Variants in PAX5 observed in about 807,000 individuals in gnomAD.
The protein encoded by PAX5 is paired box protein Pax-5.
PAX5 carries 9 observed loss-of-function variants against 43.7 expected under a neutral mutation model. The ratio of observed to expected loss-of-function variants is 0.21; its 90% CI spans 0.12 to 0.36. PAX5 has a LOEUF of 0.36. Among genes scored for constraint, PAX5 ranks in the 10% least tolerant of loss-of-function variants. PAX5 has a pLI of 1.00. For missense variants in PAX5, 383 were observed against 532.7 expected, an observed-to-expected ratio of 0.72 and a Z score of 2.77; for synonymous variants, 228 against 214.3, an observed-to-expected ratio of 1.06 and a Z score of -0.56.
At chr9:36,947,726 A>AT (rs533088109) in intron 6 of PAX5, among the ~76,000 whole-genome samples, 3 of 151,720 alleles carry the variant, frequency 2.0e-5, no homozygotes, top group African/African-American at 2.4e-5. Context: ...ATATATATAT[A>AT]TTTTTAACAG....
chr9:36,858,688 C>T (rs917508660), intron 8 of PAX5, among the ~76,000 whole-genome samples: 1 of 152,166 alleles, frequency 6.6e-6, no homozygotes, highest in Non-Finnish European at 1.5e-5. Flanking sequence ...ATGGCCCAGC[C>T]CCCTCCAGCT....
chr9:36,860,193 C>T (rs963737476), intron 8 of PAX5, among the ~76,000 whole-genome samples: 13 of 152,012 alleles, frequency 8.6e-5, no homozygotes, highest in South Asian at 2.1e-4. Context: ...AAAAATTAGC[C>T]GGGCGTGGTG....
At chr9:37,026,288 CT>C (rs1840353939) in intron 1 of PAX5, among the ~76,000 whole-genome samples, 1 of 152,258 alleles carries the variant, frequency 6.6e-6, no homozygotes, top group Admixed American at 6.5e-5. Context: ...CCGCCGGAGC[CT>C]TGAAAGGCTG....
chr9:37,001,621 G>A (rs1189869127), intron 5 of PAX5, among the ~76,000 whole-genome samples: 4 of 152,138 alleles, frequency 2.6e-5, no homozygotes, highest in African/African-American at 7.2e-5. Flanking sequence ...CTGGCAACAC[G>A]CAGACCACAG....
rs1308515761 is a variant in PAX5, at chr9:36,966,671, G to A, written c.658C>T (p.Leu220Phe). 4.3e-6 allele frequency: 7 copies of A among 1,614,214 alleles called. No individual in the cohort carries two copies. Among genetic ancestry groups the A allele is most frequent in the Admixed American group, 3.3e-5 (2 of 60,022 alleles). Reference sequence around the variant, plus strand: ...AAGTCTCCCCGCATCTGCTTCCGGAGGAAGTCTCTGCCCGGAAGCGAGTGG... The same window carrying A: ...AAGTCTCCCCGCATCTGCTTCCGGAAGAAGTCTCTGCCCGGAAGCGAGTGG... ...NGHSLPGRDF[L>F]RKQMRGDLFT... The change falls in exon 6 of 10, where the codon CTC becomes TTC. Residue 220 changes from leucine to phenylalanine, a missense_variant. Transcript: ENST00000358127.
rs1263414670 is a variant in PAX5, at chr9:36,976,462, T to C, written c.605-9738A>G. 2.0e-5 allele frequency among the ~76,000 whole-genome samples: 3 copies of C among 152,182 alleles called. No individual in the cohort carries two copies. In the East Asian group the frequency reaches 5.8e-4, roughly 29 times the overall value. On this transcript the variant is annotated intron_variant, in intron 5 of 9. Transcript: ENST00000358127. ...GGGATTCCGGGTACAGGCAACCAGG[T>C]TAAGTTGGCAAACGCTTCTAGGACA...
At chr9:37,024,736 C>G (rs1374577115) in intron 1 of PAX5, among the ~76,000 whole-genome samples, 1 of 152,170 alleles carries the variant, frequency 6.6e-6, no homozygotes, top group Admixed American at 6.5e-5. Flanking sequence ...CAGACATTAG[C>G]GGTTGGCTAA....
rs1826521296 is a variant in PAX5, at chr9:36,882,383, C to T, written c.911-278G>A. On this transcript the variant is annotated intron_variant, in intron 7 of 9. Coordinates refer to ENST00000358127, the MANE Select transcript of PAX5 (RefSeq NM_016734.3). The surrounding 1 kb of genome is among the most constrained non-coding windows in gnomAD (Gnocchi z 4.4). ...CCTGTTCCTGGGAAATCAGAACCCC[C>T]TGCTTGGGGAGGCTAGGCAATGCAG... 6.6e-6 allele frequency among the ~76,000 whole-genome samples: 1 copy of T among 152,160 alleles called. No homozygotes were observed. The highest frequency in any genetic ancestry group is 1.5e-5 in the Non-Finnish European group (1 of 68,036).
chr9:36,839,001 C>A lies in PAX5; in HGVS notation c.*1559G>T, dbSNP rs558887348. On this transcript the variant is annotated 3_prime_UTR_variant, in exon 10 of 10. Coordinates refer to ENST00000358127, the MANE Select transcript of PAX5 (RefSeq NM_016734.3). ...GACATTGTCACCTAAGAAGGCCAAG[C>A]CCCCTCTCATCACTGTCATTCAGCC... The A allele has an allele frequency of 8.6e-6, 2 of 233,310 alleles. No homozygotes were observed. The highest frequency in any genetic ancestry group is 3.6e-4 in the South Asian group (2 of 5,536). The allele number at this position is 233,310 out of a possible 1,614,324, so 14.5% of individuals were successfully genotyped here. A position where few individuals can be genotyped will look rare whatever the true frequency, so the allele number is the denominator to read the frequency against.
At chr9:36,941,832 T>C (rs1832080304) in intron 6 of PAX5, among the ~76,000 whole-genome samples, 1 of 152,062 alleles carries the variant, frequency 6.6e-6, no homozygotes, top group Non-Finnish European at 1.5e-5. Flanking sequence ...ACACCTGGCC[T>C]CCAGGACATG....
chr9:36,838,193 G>A lies in PAX5; in HGVS notation c.*2367C>T. 1 of 233,428 alleles carries A rather than the reference G, an allele frequency of 4.3e-6. No homozygotes were observed. Among genetic ancestry groups the A allele is most frequent in the African/African-American group, 2.2e-5 (1 of 45,444 alleles). 14.5% of individuals were successfully genotyped at this position (233,428 alleles called of 1,614,324 possible). ...TTTGCCCCGCAGGTTCTGGGTGGGG[G>A]CGGGGGTGCATGTGCCTGCTGTGAG... On this transcript the variant is annotated 3_prime_UTR_variant, in exon 10 of 10. Transcript: ENST00000358127.
At chr9:36,873,000 G>A (rs1825622030) in intron 8 of PAX5, among the ~76,000 whole-genome samples, 2 of 152,214 alleles carry the variant, frequency 1.3e-5, no homozygotes, top group African/African-American at 2.4e-5. Flanking sequence ...TGATGCCCAT[G>A]TTCTCTGGTT....
intron 6 of PAX5, among the ~76,000 whole-genome samples, chr9:36,936,744 G>A (rs1831583246): frequency 6.6e-6 from 1 of 152,030 alleles, no homozygotes; most frequent in Admixed American, 6.6e-5. Flanking sequence ...AGGGTGGCAG[G>A]GTGGGGACAG....
chr9:36,859,684 C>T (rs75245852), intron 8 of PAX5, among the ~76,000 whole-genome samples: 4,624 of 152,198 alleles, frequency 0.03, 78 homozygotes, highest in Middle Eastern at 0.051. Flanking sequence ...GAGGTGGAGG[C>T]GGGCAGGAAT....
chr9:36,899,483 C>T (rs2131850295), intron 7 of PAX5, among the ~76,000 whole-genome samples: 1 of 152,356 alleles, frequency 6.6e-6, no homozygotes, highest in South Asian at 2.1e-4. Context: ...TCCCAGGCCA[C>T]TCCTCTGAGC....
chr9:36,872,592 T>C (rs1208917307), intron 8 of PAX5, among the ~76,000 whole-genome samples: 2 of 152,086 alleles, frequency 1.3e-5, no homozygotes, highest in Non-Finnish European at 2.9e-5. Context: ...GTCCCCAGAG[T>C]CCTTTCCATC....
rs537251434 is a variant in PAX5, at chr9:36,962,680, G to A, written c.780+3869C>T. Among the ~76,000 whole-genome samples, 101 of 152,134 alleles carry A rather than the reference G, an allele frequency of 6.6e-4. 1 individual carries two copies. Among genetic ancestry groups the A allele is most frequent in the Non-Finnish European group, 5.3e-4 (36 of 68,030 alleles). ...GGCCCAGAAAAATAGTGACTTGCTC[G>A]GCAGGGCAGAGCTAGGACTCAAATC... On this transcript the variant is annotated intron_variant, in intron 6 of 9. Transcript: ENST00000358127.
At chr9:36,891,620 G>C (rs1185110652) in intron 7 of PAX5, among the ~76,000 whole-genome samples, 1 of 152,246 alleles carries the variant, frequency 6.6e-6, no homozygotes, top group South Asian at 2.1e-4. Context: ...TCTGCCTGCA[G>C]ACAATGGATG....
At chr9:36,936,467 T>C (rs1831560118) in intron 6 of PAX5, among the ~76,000 whole-genome samples, 1 of 152,206 alleles carries the variant, frequency 6.6e-6, no homozygotes, top group South Asian at 2.1e-4. Flanking sequence ...CCAGCTGCTC[T>C]TCCCACTACA....
Sources: gnomAD v4.1 joint callset for allele counts (sites outside exome capture counted in the v4.1 genomes callset) on GRCh38, gnomAD v4.1.1 for gene constraint, Gnocchi (gnomAD v3.1) non-coding constraint, MANE v1.5 for transcripts, NCBI Gene and HGNC (gene_info 2026-07-23, HGNC 2026-07-21) for gene names.